The following CAMKMT variants were observed in gnomAD, a reference collection of about 807,000 sequenced individuals.
The protein encoded by CAMKMT is calmodulin-lysine N-methyltransferase, also known as CaM KMT.
A neutral mutation model predicts 48.0 loss-of-function variants in CAMKMT; 53 were observed. The ratio of observed to expected loss-of-function variants is 1.10; its 90% CI spans 0.89 to 1.39. The LOEUF (loss-of-function observed/expected upper bound fraction) is 1.39, where lower values mean the gene tolerates loss of function less well. Among genes scored for constraint, CAMKMT ranks in the 40% most tolerant of loss-of-function variants. The probability of loss-of-function intolerance (pLI) is 0.00; values close to 1 mark genes in which losing one functional copy is unlikely to be tolerated. For synonymous variants in CAMKMT, 165 were observed against 152.3 expected, an observed-to-expected ratio of 1.08 and a Z score of -0.61; for missense variants, 428 against 402.7, an observed-to-expected ratio of 1.06 and a Z score of -0.54.
chr2:44,599,654 A>G (rs1265783453), intron 3 of CAMKMT, among the ~76,000 whole-genome samples: 2 of 152,084 alleles, frequency 1.3e-5, no homozygotes, highest in African/African-American at 2.4e-5. Flanking sequence ...AACCTCAAAC[A>G]TAATCATTAA....
intron 3 of CAMKMT, among the ~76,000 whole-genome samples, chr2:44,443,938 G>C (rs537646284): frequency 6.6e-6 from 1 of 152,262 alleles, no homozygotes; most frequent in South Asian, 2.1e-4. Context: ...AAGTGCAAAG[G>C]CTTTTAAATG....
At chr2:44,624,027 C>A (rs1422598580) in intron 3 of CAMKMT, among the ~76,000 whole-genome samples, 1 of 152,044 alleles carries the variant, frequency 6.6e-6, no homozygotes, top group Non-Finnish European at 1.5e-5. Flanking sequence ...TTTACTACCA[C>A]AGATTTGTTC....
chr2:44,637,026 T>C (rs1010647867), intron 3 of CAMKMT, among the ~76,000 whole-genome samples: 1 of 152,004 alleles, frequency 6.6e-6, no homozygotes, highest in East Asian at 1.9e-4. Flanking sequence ...TTATAGCAGG[T>C]AAGAGGGGAA....
At chr2:44,731,721 C>A (rs1203358274) in intron 7 of CAMKMT, among the ~76,000 whole-genome samples, 1 of 152,128 alleles carries the variant, frequency 6.6e-6, no homozygotes, top group Admixed American at 6.5e-5. Flanking sequence ...TTCTTGAGCA[C>A]CTATAATGTG....
intron 3 of CAMKMT, among the ~76,000 whole-genome samples, chr2:44,395,410 C>T: frequency 6.6e-6 from 1 of 151,878 alleles, no homozygotes; most frequent in Non-Finnish European, 1.5e-5. Flanking sequence ...TATACATATG[C>T]ATTATATATA....
intron 3 of CAMKMT, among the ~76,000 whole-genome samples, chr2:44,418,905 CT>C (rs1242923390): frequency 6.6e-6 from 1 of 152,030 alleles, no homozygotes; most frequent in Non-Finnish European, 1.5e-5. Flanking sequence ...GTAGGTATTC[CT>C]TAATTTCTCT....
At chr2:44,557,428 ATTGG>A (rs894547784) in intron 3 of CAMKMT, among the ~76,000 whole-genome samples, 3 of 152,174 alleles carry the variant, frequency 2.0e-5, no homozygotes, top group African/African-American at 7.2e-5. Context: ...AGGGCAGGCC[ATTGG>A]TTGGTTTCTT....
At chr2:44,543,619 C>T (rs570006888) in intron 3 of CAMKMT, among the ~76,000 whole-genome samples, 1 of 151,956 alleles carries the variant, frequency 6.6e-6, no homozygotes, top group Non-Finnish European at 1.5e-5. Flanking sequence ...GTGGTCCAAC[C>T]CAACCCTATT....
intron 3 of CAMKMT, among the ~76,000 whole-genome samples, chr2:44,478,608 A>T (rs1297092261): frequency 4.6e-5 from 7 of 152,124 alleles, no homozygotes; most frequent in Admixed American, 4.6e-4. Flanking sequence ...TAGTTATTTT[A>T]ATTAATTTGT....
chr2:44,403,708 A>G (rs540702986), intron 3 of CAMKMT, among the ~76,000 whole-genome samples: 4 of 152,346 alleles, frequency 2.6e-5, no homozygotes, highest in Admixed American at 2.6e-4. Flanking sequence ...ACGCATACAC[A>G]CATATATGCA....
intron 3 of CAMKMT, among the ~76,000 whole-genome samples, chr2:44,463,038 A>G (rs901386619): frequency 6.6e-6 from 1 of 152,222 alleles, no homozygotes; most frequent in Non-Finnish European, 1.5e-5. Flanking sequence ...CTTCATAGGG[A>G]GAGCTTTTCT....
intron 3 of CAMKMT, among the ~76,000 whole-genome samples, chr2:44,404,712 T>G (rs1682659866): frequency 6.6e-6 from 1 of 152,092 alleles, no homozygotes; most frequent in Non-Finnish European, 1.5e-5. Context: ...TTAATATACC[T>G]GTGTGCCTGT....
intron 3 of CAMKMT, among the ~76,000 whole-genome samples, chr2:44,513,505 G>C (rs940363890): frequency 6.6e-6 from 1 of 152,084 alleles, no homozygotes; most frequent in Non-Finnish European, 1.5e-5. Flanking sequence ...TCCTGCTTAT[G>C]GATGCTTTAA....
At chr2:44,675,078 A>AGGT (rs1553436141) in intron 3 of CAMKMT, among the ~76,000 whole-genome samples, 1 of 137,610 alleles carries the variant, frequency 7.3e-6, no homozygotes, top group Non-Finnish European at 1.6e-5. Flanking sequence ...ACCAACCTTA[A>AGGT]GGGGGGGAAA....
intron 3 of CAMKMT, among the ~76,000 whole-genome samples, chr2:44,428,212 T>C (rs535592645): frequency 6.6e-6 from 1 of 152,202 alleles, no homozygotes; most frequent in Non-Finnish European, 1.5e-5. Flanking sequence ...GGAGATTTCA[T>C]TGAGTGGTGG....
intron 3 of CAMKMT, among the ~76,000 whole-genome samples, chr2:44,689,574 T>A (rs1676528824): frequency 6.6e-6 from 1 of 151,964 alleles, no homozygotes; most frequent in Non-Finnish European, 1.5e-5. Context: ...AATGAAAGTG[T>A]TCCTTTTTCT....
chr2:44,494,008 A>T (rs1423835793), intron 3 of CAMKMT, among the ~76,000 whole-genome samples: 1 of 152,198 alleles, frequency 6.6e-6, no homozygotes, highest in African/African-American at 2.4e-5. Flanking sequence ...ACACCTTTTC[A>T]TCCATTTTAT....
chr2:44,412,087 A>G (rs1455771224), intron 3 of CAMKMT, among the ~76,000 whole-genome samples: 9 of 150,566 alleles, frequency 6.0e-5, no homozygotes, highest in African/African-American at 2.2e-4. Flanking sequence ...ACATTATCAG[A>G]GAAAACACAG....
At chr2:44,600,723 A>G (rs1421738922) in intron 3 of CAMKMT, among the ~76,000 whole-genome samples, 1 of 152,136 alleles carries the variant, frequency 6.6e-6, no homozygotes, top group Non-Finnish European at 1.5e-5. Flanking sequence ...AGGTTGTTAG[A>G]TGAAATTGGT....
Sources: gnomAD v4.1 joint callset for allele counts (sites outside exome capture counted in the v4.1 genomes callset) on GRCh38, gnomAD v4.1.1 for gene constraint, MANE v1.5 for transcripts, NCBI Gene and HGNC (gene_info 2026-07-23, HGNC 2026-07-21) for gene names.